The following TUSC3 variants were observed in gnomAD, a reference collection of about 807,000 sequenced individuals.
The protein encoded by TUSC3 is tumor suppressor candidate 3.
In TUSC3, 45 loss-of-function variants were observed where a neutral mutation model predicts 44.8. The observed-to-expected ratio is 1.00, with a 90% confidence interval of 0.79 to 1.29. The LOEUF is 1.29. Ranked by LOEUF, TUSC3 falls within the 50% of genes most tolerant of loss-of-function variation. The probability of loss-of-function intolerance (pLI) is 0.00; values close to 1 mark genes in which losing one functional copy is unlikely to be tolerated. For synonymous variants in TUSC3, 212 were observed against 152.9 expected (o/e 1.39, Z -2.85); for missense variants, 519 against 437.9 (o/e 1.19, Z -1.65).
intron 6 of TUSC3, among the ~76,000 whole-genome samples, chr8:15,680,339 A>ATG (rs988604289): frequency 6.6e-6 from 1 of 151,228 alleles, no homozygotes; most frequent in Non-Finnish European, 1.5e-5. Context: ...TTGTGTGTGT[A>ATG]TGTGTGTGTG....
chr8:15,732,033 C>T (rs924398774), intron 7 of TUSC3, among the ~76,000 whole-genome samples: 9 of 152,170 alleles, frequency 5.9e-5, no homozygotes, highest in Admixed American at 2.0e-4. Flanking sequence ...ACTGACCACA[C>T]GGGATTTCTG....
chr8:15,777,426 CAAA>C, the TUSC3 span, among the ~76,000 whole-genome samples: 51 of 152,164 alleles, frequency 3.4e-4, no homozygotes, highest in African/African-American at 1.2e-3. Context: ...TGCCAAAGCT[CAAA>C]AATTACTGGG....
At chr8:15,629,842 A>G (rs1805681539) in intron 2 of TUSC3, among the ~76,000 whole-genome samples, 1 of 151,600 alleles carries the variant, frequency 6.6e-6, no homozygotes, top group Non-Finnish European at 1.5e-5. Flanking sequence ...GCTTCCTTGT[A>G]AGCCCTTTTA....
intron 6 of TUSC3, among the ~76,000 whole-genome samples, chr8:15,677,473 G>T (rs953462099): frequency 2.6e-5 from 4 of 152,142 alleles, no homozygotes; most frequent in African/African-American, 9.7e-5. Context: ...AACAGAGCAG[G>T]GTTCTTTTCC....
chr8:15,537,964 A>T (rs898424088), upstream of TUSC3, among the ~76,000 whole-genome samples: 1 of 152,212 alleles, frequency 6.6e-6, no homozygotes, highest in Non-Finnish European at 1.5e-5. Flanking sequence ...GTTAAAGCAA[A>T]AATACGCAAG....
At chr8:15,601,648 T>C (rs1054956037) in intron 1 of TUSC3, among the ~76,000 whole-genome samples, 2 of 151,710 alleles carry the variant, frequency 1.3e-5, no homozygotes, top group Admixed American at 1.3e-4. Flanking sequence ...TAAAATCTAT[T>C]CTGTAGCAAT....
At chr8:15,748,503 A>G (rs1181203635) in intron 9 of TUSC3, 38 bp downstream of exon 9, 1 of 1,447,608 alleles carries the variant, frequency 6.9e-7, no homozygotes, top group Non-Finnish European at 9.7e-7. Context: ...TTTTATTTTT[A>G]ACTAATAGAA....
intron 2 of TUSC3, among the ~76,000 whole-genome samples, chr8:15,510,750 C>T (rs962755910): frequency 1.4e-5 from 2 of 147,268 alleles, no homozygotes; most frequent in Non-Finnish European, 3.0e-5. Flanking sequence ...GTGTTACTCT[C>T]ATTACAAAAC....
At position 15,568,034 on chromosome 8, in the gene TUSC3, A is replaced by C. The variant is rs1380749084; in HGVS notation, c.138+27466A>C. 2.0e-5 allele frequency among the ~76,000 whole-genome samples: 3 copies of C among 152,158 alleles called. No individual in the cohort carries two copies. In the East Asian group the frequency reaches 5.8e-4, roughly 29 times the overall value. On this transcript the variant is annotated intron_variant, in intron 1 of 10. Coordinates refer to ENST00000503731, the MANE Select transcript of TUSC3 (RefSeq NM_006765.4). ...CCACATTGGTAGCATATTATCAGGC[A>C]AGGCTACACATATTACTCATTCCTC...
intron 2 of TUSC3, among the ~76,000 whole-genome samples, chr8:15,525,481 A>G (rs1018266315): frequency 1.3e-5 from 2 of 152,212 alleles, no homozygotes; most frequent in African/African-American, 4.8e-5. Context: ...AGTTGCTTCA[A>G]TGTTCTCAGT....
chr8:15,608,910 CT>C (rs1255484809), intron 1 of TUSC3, among the ~76,000 whole-genome samples: 1 of 152,074 alleles, frequency 6.6e-6, no homozygotes, highest in Non-Finnish European at 1.5e-5. Flanking sequence ...CAAAAGAAAT[CT>C]TTGATTCTAC....
upstream of TUSC3, among the ~76,000 whole-genome samples, chr8:15,539,463 C>A (rs988832694): frequency 5.5e-5 from 8 of 146,002 alleles, no homozygotes. Context: ...TGCCATTCTC[C>A]TGCCTCAGCC....
intron 1 of TUSC3, among the ~76,000 whole-genome samples, chr8:15,556,942 C>G (rs1199980132): frequency 6.7e-6 from 1 of 149,666 alleles, no homozygotes; most frequent in Non-Finnish European, 1.5e-5. Context: ...AATTTTCTCC[C>G]ATTTTGTAGG....
At chr8:15,447,329 G>A (rs537537002) in intron 1 of TUSC3, among the ~76,000 whole-genome samples, 14 of 152,196 alleles carry the variant, frequency 9.2e-5, no homozygotes, top group African/African-American at 2.6e-4. Flanking sequence ...ATGCATGTTA[G>A]TACTTCAGCT....
chr8:15,475,288 A>G (rs1386206738), intron 1 of TUSC3, among the ~76,000 whole-genome samples: 1 of 152,190 alleles, frequency 6.6e-6, no homozygotes, highest in Non-Finnish European at 1.5e-5. Context: ...AAGGACAGAG[A>G]TAACACCAGA....
At chr8:15,653,166 T>C (rs1317531984) in intron 3 of TUSC3, among the ~76,000 whole-genome samples, 16 of 152,134 alleles carry the variant, frequency 1.1e-4, no homozygotes, top group Admixed American at 1.0e-3. Flanking sequence ...CTTGGTGTCA[T>C]TGTTGAGGAA....
intron 1 of TUSC3, among the ~76,000 whole-genome samples, chr8:15,595,463 G>C (rs1023018786): frequency 1.3e-5 from 2 of 152,152 alleles, no homozygotes; most frequent in Non-Finnish European, 2.9e-5. Context: ...CAAGGGAGTA[G>C]GGTGGAACAG....
At chr8:15,540,168 C>G (rs1185376890), upstream of TUSC3, 3 of 427,486 alleles carry the variant, frequency 7.0e-6, no homozygotes, top group Non-Finnish European at 4.0e-6. Context: ...GGAGCGCACG[C>G]CGCGCCCCCG....
Position 15,504,613 on chromosome 8 carries a change from ATATATATATTTT to A in TUSC3, n.189+21132_189+21143del, listed in dbSNP as rs1477857646. On this transcript the variant is annotated intron_variant and non_coding_transcript_variant, in intron 2 of 5. Coordinates refer to the TUSC3 transcript ENST00000503191. ...TATATATATATATATATATATATAT[ATATATATATTTT>A]TTTTTTTTTTTTTTTTTAAGTGGGT... 2.1e-3 allele frequency among the ~76,000 whole-genome samples: 43 copies of A among 20,700 alleles called. 1 individual carries two copies. Among genetic ancestry groups the A allele is most frequent in the Non-Finnish European group, 2.0e-3 (27 of 13,430 alleles). 13.6% of individuals were successfully genotyped at this position (20,700 alleles called of 152,430 possible). A position where few individuals can be genotyped will look rare whatever the true frequency, so the allele number is the denominator to read the frequency against.
Sources: gnomAD v4.1 joint callset for allele counts (sites outside exome capture counted in the v4.1 genomes callset) on GRCh38, gnomAD v4.1.1 for gene constraint, MANE v1.5 for transcripts, NCBI Gene and HGNC (gene_info 2026-07-23, HGNC 2026-07-21) for gene names.